Variants in DNM1 observed in about 807,000 individuals in gnomAD.
DNM1 encodes dynamin 1.
A neutral mutation model predicts 104.6 loss-of-function variants in DNM1; 29 were observed. That is an observed-to-expected ratio of 0.28 (90% confidence interval 0.21 to 0.38). DNM1 has a LOEUF of 0.38. DNM1 is among the 10% of genes least tolerant of loss of function. The pLI, the probability that DNM1 is intolerant of heterozygous loss-of-function variation, is 1.00. For missense variants in DNM1, 640 were observed against 1,189.4 expected (o/e 0.54, Z 6.79); for synonymous variants, 445 against 475.8 (o/e 0.94, Z 0.84).
intron 16 of DNM1, chr9:128,246,814 G>T: frequency 2.6e-6 from 1 of 383,884 alleles, no homozygotes; most frequent in Non-Finnish European, 4.7e-6. Flanking sequence ...CCCTCCCTCC[G>T]TCCCTTCCTC....
Position 128,224,879 on chromosome 9 carries a change from C to T in DNM1, c.1335+490C>T, listed in dbSNP as rs1835251377. 6.6e-6 allele frequency among the ~76,000 whole-genome samples: 1 copy of T among 152,148 alleles called. No individual in the cohort carries two copies. The highest frequency in any genetic ancestry group is 2.4e-5 in the African/African-American group (1 of 41,434). On this transcript the variant is annotated intron_variant, in intron 10 of 21. Coordinates refer to ENST00000372923, the MANE Select transcript of DNM1 (RefSeq NM_004408.4). This position sits in a 1 kb window ranked among gnomAD's most constrained non-coding sequence, Gnocchi z 4.3. Reference sequence around the variant, plus strand: ...GCCCTGGCTCCCCGCTGTCCTTCATCCTCCCCATACTCATCTCACCCTCAC... The same window carrying T: ...GCCCTGGCTCCCCGCTGTCCTTCATTCTCCCCATACTCATCTCACCCTCAC...
chr9:128,250,504 CG>C, intron 20 of DNM1, 148 bp downstream of exon 20: 1 of 1,063,168 alleles, frequency 9.4e-7, no homozygotes, highest in Non-Finnish European at 1.3e-6. Context: ...GGGCTTGTCG[CG>C]GGGCGGGGCT....
At position 128,253,396 on chromosome 9, in the gene DNM1, A is replaced by G; in HGVS notation, c.2535-1258A>G. On this transcript the variant is annotated intron_variant, in intron 21 of 21. Transcript: ENST00000372923. The surrounding 1 kb of genome is among the most constrained non-coding windows in gnomAD (Gnocchi z 5.9). ...GGCTCTTGGAACAGGCTCCGCGCCC[A>G]AGCTGGCAGACATGGGTGCTCTCTG... 1.8e-6 allele frequency: 1 copy of G among 541,654 alleles called. No homozygotes were observed. Among genetic ancestry groups the G allele is most frequent in the East Asian group, 3.1e-5 (1 of 31,856 alleles). The allele number at this position is 541,654 out of a possible 1,614,324, so 33.6% of individuals were successfully genotyped here.
rs1564329664 is a variant in DNM1 at position 128,220,073 on chromosome 9, C to T, written c.675C>T (p.Leu225=). ...DARDVLENKL[L]PLRRGYIGVV... The stretch of plus-strand genomic sequence containing the variant: ...GTGATGTGCTGGAGAACAAGCTGCT[C>T]CCCCTGCGCAGAGGTAAGCAGGCCA... Residue 225 remains leucine, a synonymous_variant, in exon 5 of 22, where the codon CTC becomes CTT. Transcript: ENST00000372923. This position sits in a 1 kb window ranked among gnomAD's most constrained non-coding sequence, Gnocchi z 5.2. The T allele has an allele frequency of 1.2e-6, 2 of 1,613,020 alleles. No individual in the cohort carries two copies. Among genetic ancestry groups the T allele is most frequent in the East Asian group, 2.2e-5 (1 of 44,838 alleles).
intron 19 of DNM1, among the ~76,000 whole-genome samples, chr9:128,249,574 T>C (rs1829381531): frequency 6.6e-6 from 1 of 151,754 alleles, no homozygotes; most frequent in African/African-American, 2.4e-5. Flanking sequence ...GAGAATTGCT[T>C]GAACCCGGGA....
chr9:128,247,362 C>T lies in DNM1; in HGVS notation c.1782-13C>T, dbSNP rs767400515. The T allele has an allele frequency of 5.7e-6, 9 of 1,592,800 alleles. No individual in the cohort carries two copies. In the South Asian group the frequency reaches 8.9e-5, roughly 16 times the overall value. On this transcript the variant is annotated splice_polypyrimidine_tract_variant and intron_variant, in intron 16 of 21. Coordinates refer to ENST00000372923, the MANE Select transcript of DNM1 (RefSeq NM_004408.4). This position sits in a 1 kb window ranked among gnomAD's most constrained non-coding sequence, Gnocchi z 5.1. ...TTTGCCCATCTGCCCTCACTGCCTG[C>T]CCTATCTTGCAGGAATGTCTACAAG... is the stretch of plus-strand genomic sequence containing the variant.
chr9:128,214,759 G>A (rs989109168), intron 1 of DNM1, among the ~76,000 whole-genome samples: 1 of 152,378 alleles, frequency 6.6e-6, no homozygotes, highest in East Asian at 1.9e-4. Context: ...TGCTCCAAAT[G>A]AGTGGGGAGA....
intron 10 of DNM1, among the ~76,000 whole-genome samples, chr9:128,231,027 T>A (rs1167040652): frequency 3.3e-5 from 5 of 151,904 alleles, no homozygotes; most frequent in Admixed American, 3.3e-4. Flanking sequence ...GGTCTCAAAC[T>A]CCTGACCTCA....
Position 128,203,760 on chromosome 9 carries a change from C to T in DNM1, c.161+129C>T, listed in dbSNP as rs1280717312. 4.6e-6 allele frequency: 4 copies of T among 870,972 alleles called. No individual in the cohort carries two copies. The highest frequency in any genetic ancestry group is 6.0e-6 in the Non-Finnish European group (4 of 663,256). The allele number at this position is 870,972 out of a possible 1,614,324, so 54.0% of individuals were successfully genotyped here. A position where few individuals can be genotyped will look rare whatever the true frequency, so the allele number is the denominator to read the frequency against. On this transcript the variant is annotated intron_variant, in intron 1 of 21. Transcript: ENST00000372923. This position sits in a 1 kb window ranked among gnomAD's most constrained non-coding sequence, Gnocchi z 5.3. ...CACCCGCGGCCGGCGCGCCCCCCAC[C>T]CCCAGCCGGAGCGAGGAGGCCCTCC...
chr9:128,248,507 G>C lies in DNM1; in HGVS notation c.1906-76G>C, dbSNP rs1043790244. Reference sequence around the variant, plus strand: ...CTCAATATTCTGGGTACCCTTGGAGGGGCTGAGATCCTGGGGATGCCTGGA... The same window carrying C: ...CTCAATATTCTGGGTACCCTTGGAGCGGCTGAGATCCTGGGGATGCCTGGA... On this transcript the variant is annotated intron_variant, in intron 18 of 21. Transcript: ENST00000372923. This position sits in a 1 kb window ranked among gnomAD's most constrained non-coding sequence, Gnocchi z 5.6. The C allele has an allele frequency of 6.5e-7, 1 of 1,549,138 alleles. No individual in the cohort carries two copies.
At position 128,243,161 on chromosome 9, in the gene DNM1, C is replaced by G. The variant is rs553645357; in HGVS notation, c.1671+816C>G. Reference sequence around the variant, plus strand: ...CCCTGCCGAGGTGCCACAAAAAACCCCTCCCCGCCCACTAGGGTGCACAGA... The same window carrying G: ...CCCTGCCGAGGTGCCACAAAAAACCGCTCCCCGCCCACTAGGGTGCACAGA... On this transcript the variant is annotated intron_variant, in intron 15 of 21. Transcript: ENST00000372923. This position sits in a 1 kb window ranked among gnomAD's most constrained non-coding sequence, Gnocchi z 4.0. Among the ~76,000 whole-genome samples, 4 of 152,274 alleles carry G rather than the reference C, an allele frequency of 2.6e-5. No individual in the cohort carries two copies. Among genetic ancestry groups the G allele is most frequent in the African/African-American group, 9.6e-5 (4 of 41,546 alleles).
In DNM1 at chr9:128,220,934, T is replaced by TTTCTTTCTTTC. The variant is rs1214796487; in HGVS notation, c.849+595_849+596insCTTTCTTTCTT. Among the ~76,000 whole-genome samples, 15 of 82,174 alleles carry TTTCTTTCTTTC rather than the reference T, an allele frequency of 1.8e-4. No homozygotes were observed. Among genetic ancestry groups the TTTCTTTCTTTC allele is most frequent in the East Asian group, 7.9e-4 (2 of 2,526 alleles). The allele number at this position is 82,174 out of a possible 152,430, so 53.9% of individuals were successfully genotyped here. A position where few individuals can be genotyped will look rare whatever the true frequency, so the allele number is the denominator to read the frequency against. ...CTTTCTTTCTTTCTTTCTTTCTTTC[T>TTTCTTTCTTTC]TTTCTTTTCTTTCTTTCTTTCCTTT... is the stretch of plus-strand genomic sequence containing the variant. On this transcript the variant is annotated intron_variant, in intron 6 of 21. Transcript: ENST00000372923. The surrounding 1 kb of genome is among the most constrained non-coding windows in gnomAD (Gnocchi z 5.2).
In DNM1 at chr9:128,218,870, G is replaced by T; in HGVS notation, c.385+139G>T. ...ATCCTATTCCAAGCTCCACCCTGCC[G>T]TGATTCCGCCCACTTCCGGCCACGC... On this transcript the variant is annotated intron_variant, in intron 3 of 21. Coordinates refer to ENST00000372923, the MANE Select transcript of DNM1 (RefSeq NM_004408.4). The surrounding 1 kb of genome is among the most constrained non-coding windows in gnomAD (Gnocchi z 4.8). 3.7e-6 allele frequency: 5 copies of T among 1,342,850 alleles called. No individual in the cohort carries two copies. The South Asian group carries it at 5.7e-5, about 15-fold the overall frequency. The allele number at this position is 1,342,850 out of a possible 1,614,324, so 83.2% of individuals were successfully genotyped here. A position where few individuals can be genotyped will look rare whatever the true frequency, so the allele number is the denominator to read the frequency against.
rs1835231948 is a variant in DNM1 at position 128,224,603 on chromosome 9, A to T, written c.1335+214A>T. On this transcript the variant is annotated intron_variant, in intron 10 of 21. Transcript: ENST00000372923. The surrounding 1 kb of genome is among the most constrained non-coding windows in gnomAD (Gnocchi z 4.3). ...AGGTCTGGGGACCCAGGGATTGGAC[A>T]TGGGTGAGACGGGGATGATGGCTGG... Among the ~76,000 whole-genome samples the T allele has an allele frequency of 1.3e-5, 2 of 151,928 alleles. No homozygotes were observed. Among genetic ancestry groups the T allele is most frequent in the Non-Finnish European group, 1.5e-5 (1 of 67,922 alleles).
chr9:128,234,644 G>A (rs926055323), intron 11 of DNM1, among the ~76,000 whole-genome samples: 6 of 152,102 alleles, frequency 3.9e-5, no homozygotes, highest in African/African-American at 1.2e-4. Context: ...AAAGTGCTGG[G>A]ATTACAGGCG....
chr9:128,246,232 G>A (rs1836806766), intron 15 of DNM1, among the ~76,000 whole-genome samples, 162 bp from the exon 16 acceptor site: 1 of 152,080 alleles, frequency 6.6e-6, no homozygotes, highest in South Asian at 2.1e-4. Flanking sequence ...GCGGTGCCCA[G>A]GAGGCCTACG....
intron 15 of DNM1, among the ~76,000 whole-genome samples, chr9:128,244,079 T>C (rs1339080901): frequency 2.0e-5 from 3 of 151,366 alleles, no homozygotes; most frequent in Non-Finnish European, 4.4e-5. Flanking sequence ...GAAATCTGTG[T>C]GCCTGGGGAG....
In DNM1 at chr9:128,246,507, C is replaced by A. The variant is rs763794084; in HGVS notation, c.1781+4C>A. 10 of 1,608,722 alleles carry A rather than the reference C, an allele frequency of 6.2e-6. No homozygotes were observed. The highest frequency in any genetic ancestry group is 1.7e-4 in the Middle Eastern group (1 of 5,944). On this transcript the variant is annotated splice_donor_region_variant and intron_variant, in intron 16 of 21. Coordinates refer to ENST00000372923, the MANE Select transcript of DNM1 (RefSeq NM_004408.4). ...CCCTCTTTAACACGGAGCAGAGGTG[C>A]CTGCCTGCCCCTGGCTGTGGCTGCT...
intron 11 of DNM1, among the ~76,000 whole-genome samples, chr9:128,236,112 T>C (rs1835995624): frequency 6.6e-6 from 1 of 152,216 alleles, no homozygotes; most frequent in African/African-American, 2.4e-5. Flanking sequence ...ATTATACCCC[T>C]CATAGCCACC....
Sources: gnomAD v4.1 joint callset for allele counts (sites outside exome capture counted in the v4.1 genomes callset) on GRCh38, gnomAD v4.1.1 for gene constraint, Gnocchi (gnomAD v3.1) non-coding constraint, MANE v1.5 for transcripts, NCBI Gene and HGNC (gene_info 2026-07-23, HGNC 2026-07-21) for gene names.